The following FAM171A1 variants were observed in gnomAD, a reference collection of about 807,000 sequenced individuals.
FAM171A1 encodes the protein protein FAM171A1.
Under a neutral mutation model 74.9 loss-of-function variants are expected in FAM171A1, and 23 were observed. That is an observed-to-expected ratio of 0.31 (90% CI 0.22 to 0.44). The LOEUF (loss-of-function observed/expected upper bound fraction) is 0.44, where lower values mean the gene tolerates loss of function less well. Among genes scored for constraint, FAM171A1 ranks in the 20% least tolerant of loss-of-function variants. The pLI, the probability that FAM171A1 is intolerant of heterozygous loss-of-function variation, is 1.00. For missense variants in FAM171A1, 1,162 were observed against 1,159.2 expected (o/e 1.00, Z -0.03); for synonymous variants, 527 against 505.7 (o/e 1.04, Z -0.57).
At chr10:15,305,095 C>T (rs1835277374) in intron 1 of FAM171A1, among the ~76,000 whole-genome samples, 1 of 152,170 alleles carries the variant, frequency 6.6e-6, no homozygotes, top group Admixed American at 6.5e-5. Context: ...CTCACCACAC[C>T]TGAATAATAA....
At chr10:15,291,349 C>A (rs1345203370) in intron 1 of FAM171A1, among the ~76,000 whole-genome samples, 1 of 152,130 alleles carries the variant, frequency 6.6e-6, no homozygotes, top group Non-Finnish European at 1.5e-5. Context: ...GGGCCATCAG[C>A]CACATGTGAG....
In FAM171A1 at chr10:15,213,028, T is replaced by C. The variant is rs773722436; in HGVS notation, c.2560A>G (p.Arg854Gly). The C allele has an allele frequency of 1.2e-5, 19 of 1,614,046 alleles. No individual in the cohort carries two copies. The South Asian group carries it at 2.1e-4, about 18-fold the overall frequency. The change falls in exon 8 of 8, where the codon AGA becomes GGA. Residue 854 changes from arginine to glycine, a missense_variant. By Grantham distance (125) the Arg-to-Gly change is moderately radical. Transcript: ENST00000378116. The surrounding 1 kb of genome is among the most constrained non-coding windows in gnomAD (Gnocchi z 6.8). ...SEPAASPHQR[R>G]SAHEEEEDDD... ...TCTTCCTCTTCCTCGTGGGCAGATC[T>C]TCTCTGGTGGGGGCTGGCTGCTGGC...
At chr10:15,306,861 C>T (rs780663380) in intron 1 of FAM171A1, among the ~76,000 whole-genome samples, 1 of 152,200 alleles carries the variant, frequency 6.6e-6, no homozygotes, top group Non-Finnish European at 1.5e-5. Context: ...ACCTTCTCAC[C>T]GGAACTAAGT....
intron 1 of FAM171A1, among the ~76,000 whole-genome samples, chr10:15,341,224 C>T (rs1402924496): frequency 1.3e-5 from 2 of 152,178 alleles, no homozygotes; most frequent in Non-Finnish European, 2.9e-5. Context: ...CAAATTGGGA[C>T]AGCTCCCCCT....
intron 1 of FAM171A1, among the ~76,000 whole-genome samples, chr10:15,325,214 G>C (rs1835536976): frequency 6.6e-6 from 1 of 152,194 alleles, no homozygotes; most frequent in Admixed American, 6.5e-5. Context: ...TTTAAGGACA[G>C]TTGAAGGCCC....
intron 1 of FAM171A1, among the ~76,000 whole-genome samples, chr10:15,319,827 G>T (rs982560824): frequency 3.3e-5 from 5 of 152,072 alleles, no homozygotes; most frequent in African/African-American, 1.2e-4. Context: ...AAGAACTCAA[G>T]GAAGGGACAG....
chr10:15,309,322 C>G (rs75606776), intron 1 of FAM171A1, among the ~76,000 whole-genome samples: 50,708 of 152,114 alleles, frequency 0.33, 9,126 homozygotes, highest in African/African-American at 0.47. Context: ...ATTCTCCCAC[C>G]TCAGCCTCCC....
intron 1 of FAM171A1, among the ~76,000 whole-genome samples, chr10:15,331,859 G>GTGTATATA (rs60559617): frequency 2.0e-4 from 9 of 44,922 alleles, no homozygotes; most frequent in African/African-American, 7.0e-4. Context: ...ATATATGTGT[G>GTGTATATA]TATATATATG....
At chr10:15,228,713 C>T (rs369765491) in intron 5 of FAM171A1, among the ~76,000 whole-genome samples, 10 of 152,334 alleles carry the variant, frequency 6.6e-5, no homozygotes, top group African/African-American at 2.4e-4. Context: ...GATAAACACC[C>T]AGCAGCATAA....
In FAM171A1 at chr10:15,213,935, A is replaced by T; in HGVS notation, c.1653T>A (p.Pro551=). The change falls in exon 8 of 8, where the codon CCT becomes CCA. Residue 551 remains proline (P), a synonymous_variant. Coordinates refer to ENST00000378116, the MANE Select transcript of FAM171A1 (RefSeq NM_001010924.2). The surrounding 1 kb of genome is among the most constrained non-coding windows in gnomAD (Gnocchi z 6.8). The stretch of plus-strand genomic sequence containing the variant: ...ACTGGCCGGGCCGTGGGAAGGACGT[A>T]GGTCTCTCGAGGTGATCTACTGATC... The part of the protein sequence containing the change: ...MSRSVDHLER[P]TSFPRPGQLI... The T allele has an allele frequency of 6.2e-7, 1 of 1,614,144 alleles. No homozygotes were observed. Among genetic ancestry groups the T allele is most frequent in the Non-Finnish European group, 8.5e-7 (1 of 1,180,034 alleles).
intron 3 of FAM171A1, among the ~76,000 whole-genome samples, chr10:15,259,456 AAAC>A (rs1207133580): frequency 1.3e-5 from 2 of 152,208 alleles, no homozygotes; most frequent in African/African-American, 4.8e-5. Flanking sequence ...ATGACAAAAA[AAAC>A]AACAAAAATG....
chr10:15,288,426 T>C (rs760156613), intron 1 of FAM171A1, among the ~76,000 whole-genome samples: 9 of 152,210 alleles, frequency 5.9e-5, no homozygotes, highest in Non-Finnish European at 8.8e-5. Flanking sequence ...ATACACTGAA[T>C]CCAGTGTGTA....
intron 1 of FAM171A1, among the ~76,000 whole-genome samples, chr10:15,370,429 G>T (rs994045877): frequency 3.0e-4 from 45 of 151,104 alleles, no homozygotes; most frequent in Middle Eastern, 3.4e-3. Context: ...GGCGGCAGCG[G>T]ACCTCGGGGC....
chr10:15,298,390 T>G (rs11599508), intron 1 of FAM171A1, among the ~76,000 whole-genome samples: 228 of 152,240 alleles, frequency 1.5e-3, no homozygotes, highest in Non-Finnish European at 2.5e-3. Context: ...TGCCTCGGCC[T>G]CCCAAAGTGC....
intron 3 of FAM171A1, among the ~76,000 whole-genome samples, chr10:15,268,016 G>C (rs1388313905): frequency 1.3e-5 from 2 of 152,186 alleles, no homozygotes; most frequent in African/African-American, 4.8e-5. Context: ...GGCCGACAGT[G>C]AGCACGTGGG....
chr10:15,365,745 G>C (rs1294664555), intron 1 of FAM171A1, among the ~76,000 whole-genome samples: 1 of 144,250 alleles, frequency 6.9e-6, no homozygotes, highest in Non-Finnish European at 1.5e-5. Flanking sequence ...ACTCCAGCCT[G>C]GGGGACACAG....
chr10:15,254,780 C>A lies in FAM171A1; in HGVS notation c.518G>T (p.Ser173Ile). The change falls in exon 4 of 8, where the codon AGC (serine) becomes ATC (isoleucine). Residue 173 changes from serine to isoleucine, a missense_variant. Physicochemically the swap from Ser to Ile is moderately radical, Grantham distance 142. Coordinates refer to ENST00000378116, the MANE Select transcript of FAM171A1 (RefSeq NM_001010924.2). ...AAAACTGTCCACCTCCGAAGGGGAG[C>A]TGGCGGCCGTGAGAAACGCGGTCAG... is the stretch of plus-strand genomic sequence containing the variant. ...SDLTAFLTAA[S>I]SPSEVDSFPY... is the part of the protein sequence containing the mutation. 1 of 1,614,200 alleles carries A rather than the reference C, an allele frequency of 6.2e-7. No homozygotes were observed.
chr10:15,250,455 T>A (rs542052054), intron 4 of FAM171A1, among the ~76,000 whole-genome samples: 15 of 152,338 alleles, frequency 9.8e-5, no homozygotes, highest in African/African-American at 3.6e-4. Context: ...CTCAGGAAGA[T>A]GGAACTTACA....
intron 5 of FAM171A1, 110 bp from the exon 6 acceptor site, chr10:15,221,170 T>A: frequency 1.1e-6 from 1 of 878,880 alleles, no homozygotes; most frequent in Non-Finnish European, 1.6e-6. Context: ...GTTTATGACC[T>A]ATAAGATAAC....
Sources: allele counts gnomAD v4.1 joint callset (sites outside exome capture counted in the v4.1 genomes callset), GRCh38; gene constraint gnomAD v4.1.1; non-coding constraint Gnocchi (gnomAD v3.1); transcripts MANE v1.5; gene names NCBI Gene and HGNC (gene_info 2026-07-23, HGNC 2026-07-21).